Variants in ATG10 observed in about 807,000 individuals in gnomAD.
The protein encoded by ATG10 is autophagy related 10.
In ATG10, 30 loss-of-function variants were observed where a neutral mutation model predicts 32.1. That is an observed-to-expected ratio of 0.94 (90% CI 0.70 to 1.27). The LOEUF (loss-of-function observed/expected upper bound fraction) is 1.27. Among genes scored for constraint, ATG10 ranks in the 50% most tolerant of loss-of-function variants. ATG10 has a pLI of 0.00. For missense variants in ATG10, 233 were observed against 262.3 expected (o/e 0.89, Z 0.77); for synonymous variants, 87 against 91.5 (o/e 0.95, Z 0.28).
intron 3 of ATG10, among the ~76,000 whole-genome samples, chr5:82,109,516 C>G (rs1164390898): frequency 1.3e-5 from 2 of 151,762 alleles, no homozygotes; most frequent in Admixed American, 1.3e-4. Context: ...TTTTTAGTTT[C>G]CAAAAGCTGT....
chr5:82,082,438 T>G (rs1329565192), intron 3 of ATG10, among the ~76,000 whole-genome samples: 1 of 152,184 alleles, frequency 6.6e-6, no homozygotes, highest in South Asian at 2.1e-4. Context: ...AATAGGCACT[T>G]AGGCTCAGTT....
intron 5 of ATG10, among the ~76,000 whole-genome samples, chr5:82,233,023 GTTC>G (rs1366252240): frequency 6.6e-6 from 1 of 152,064 alleles, no homozygotes; most frequent in Non-Finnish European, 1.5e-5. Flanking sequence ...TGCCTGAAAT[GTTC>G]TTCTTCAGGT....
chr5:81,975,557 A>G (rs991236564), intron 1 of ATG10, among the ~76,000 whole-genome samples: 2 of 152,018 alleles, frequency 1.3e-5, no homozygotes, highest in African/African-American at 2.4e-5. Context: ...TGGTGCACAC[A>G]TGTGGTCCCA....
In ATG10 at chr5:82,255,623, A is replaced by G. The variant is rs1268035416; in HGVS notation, c.*1560A>G. 1 of 152,218 alleles carries G rather than the reference A, an allele frequency of 6.6e-6. No individual in the cohort carries two copies. Among genetic ancestry groups the G allele is most frequent in the African/African-American group, 2.4e-5 (1 of 41,448 alleles). The allele number at this position is 152,218 out of a possible 1,614,324, so 9.4% of individuals were successfully genotyped here. ...GAACCTCTGGTCTGGATATACCTTT[A>G]TTGTGACATTGATTTGTATTGTTTT... is the stretch of plus-strand genomic sequence containing the variant. On this transcript the variant is annotated 3_prime_UTR_variant, in exon 8 of 8. Transcript: ENST00000282185.
At chr5:82,043,633 G>A (rs1441490643) in intron 2 of ATG10, among the ~76,000 whole-genome samples, 1 of 152,142 alleles carries the variant, frequency 6.6e-6, no homozygotes, top group East Asian at 1.9e-4. Context: ...TCATGCATAT[G>A]AGCATAGAAT....
intron 5 of ATG10, among the ~76,000 whole-genome samples, chr5:82,242,226 A>G (rs1746835067): frequency 6.6e-6 from 1 of 152,160 alleles, no homozygotes; most frequent in Non-Finnish European, 1.5e-5. Flanking sequence ...AAATAATCAG[A>G]TCTTTTAGAA....
chr5:82,057,254 G>A, intron 2 of ATG10, among the ~76,000 whole-genome samples: 1 of 152,128 alleles, frequency 6.6e-6, no homozygotes, highest in East Asian at 1.9e-4. Flanking sequence ...AAAAAATAGA[G>A]TTACTGTATT....
chr5:81,975,734 A>G (rs767277483), intron 1 of ATG10, among the ~76,000 whole-genome samples: 4 of 151,720 alleles, frequency 2.6e-5, no homozygotes, highest in Non-Finnish European at 5.9e-5. Context: ...GCTCAGTGTA[A>G]TATTTTTTTC....
chr5:82,139,236 G>A (rs1488351783), intron 3 of ATG10, among the ~76,000 whole-genome samples: 6 of 146,842 alleles, frequency 4.1e-5, no homozygotes, highest in African/African-American at 7.8e-5. Context: ...CCAAAGTGCC[G>A]AGATTGCAGC....
At chr5:82,092,245 T>G (rs1197501172) in intron 3 of ATG10, among the ~76,000 whole-genome samples, 1 of 152,150 alleles carries the variant, frequency 6.6e-6, no homozygotes, top group Non-Finnish European at 1.5e-5. Flanking sequence ...TAAACAAGAT[T>G]GAATACTACA....
chr5:82,005,317 T>G (rs1246648640), intron 2 of ATG10, among the ~76,000 whole-genome samples: 1 of 152,170 alleles, frequency 6.6e-6, no homozygotes, highest in African/African-American at 2.4e-5. Context: ...TTTTTTGAGA[T>G]AGAGTCTCAC....
intron 2 of ATG10, among the ~76,000 whole-genome samples, chr5:82,025,039 C>T (rs1581610238): frequency 6.6e-6 from 1 of 152,192 alleles, no homozygotes; most frequent in East Asian, 1.9e-4. Flanking sequence ...TTTGGACTGC[C>T]ATGGGGCATT....
chr5:82,041,050 C>G (rs1763069555), intron 2 of ATG10, among the ~76,000 whole-genome samples: 1 of 152,114 alleles, frequency 6.6e-6, no homozygotes, highest in African/African-American at 2.4e-5. Context: ...TATGAAAAGA[C>G]TGCTTTCTAT....
intron 3 of ATG10, among the ~76,000 whole-genome samples, chr5:82,125,165 C>A (rs143300706): frequency 0.13 from 20,231 of 152,096 alleles, 1,806 homozygotes; most frequent in Non-Finnish European, 0.2. Context: ...TGTTTAAGTT[C>A]TTTGTAGATT....
intron 2 of ATG10, among the ~76,000 whole-genome samples, chr5:82,026,994 G>A (rs1425367419): frequency 2.0e-5 from 3 of 150,890 alleles, no homozygotes; most frequent in Non-Finnish European, 4.4e-5. Context: ...AGGAGGCGGA[G>A]TTTGCAGTGA....
chr5:82,053,131 C>T (rs1732222692), intron 2 of ATG10, among the ~76,000 whole-genome samples: 1 of 152,156 alleles, frequency 6.6e-6, no homozygotes, highest in Admixed American at 6.6e-5. Context: ...CTTGTTTTAT[C>T]CATGTCTTTG....
At chr5:82,124,568 G>A (rs1448108916) in intron 3 of ATG10, among the ~76,000 whole-genome samples, 2 of 151,756 alleles carry the variant, frequency 1.3e-5, no homozygotes, top group African/African-American at 2.4e-5. Flanking sequence ...CTGTTCTTGT[G>A]TTAGTTTGGT....
intron 3 of ATG10, among the ~76,000 whole-genome samples, chr5:82,156,310 G>A (rs888951506): frequency 1.3e-5 from 2 of 152,174 alleles, no homozygotes; most frequent in Non-Finnish European, 2.9e-5. Flanking sequence ...ATGTGTATGT[G>A]AGGCAAGACC....
At chr5:82,178,223 A>G (rs1431184898) in intron 4 of ATG10, among the ~76,000 whole-genome samples, 1 of 152,044 alleles carries the variant, frequency 6.6e-6, no homozygotes, top group African/African-American at 2.4e-5. Flanking sequence ...ACACATTTGG[A>G]TTTTATTTAT....
Sources: allele counts gnomAD v4.1 joint callset (sites outside exome capture counted in the v4.1 genomes callset), GRCh38; gene constraint gnomAD v4.1.1; transcripts MANE v1.5; gene names NCBI Gene and HGNC (gene_info 2026-07-23, HGNC 2026-07-21).